Variants in NOXRED1 observed in about 807,000 individuals in gnomAD.
NOXRED1 encodes NADP dependent oxidoreductase domain containing 1.
A neutral mutation model predicts 30.4 loss-of-function variants in NOXRED1; 20 were observed. The observed-to-expected ratio is 0.66, with a 90% confidence interval of 0.46 to 0.96. The LOEUF is 0.96. NOXRED1 is among the 40% of genes least tolerant of loss of function. NOXRED1 has a pLI of 0.00. For synonymous variants in NOXRED1, 155 were observed against 168.0 expected, an observed-to-expected ratio of 0.92 and a Z score of 0.60; for missense variants, 374 against 428.0, an observed-to-expected ratio of 0.87 and a Z score of 1.11.
chr14:77,424,023 G>C (rs900159248), upstream of NOXRED1, among the ~76,000 whole-genome samples: 2 of 152,078 alleles, frequency 1.3e-5, no homozygotes, highest in African/African-American at 4.8e-5. Flanking sequence ...CCACCAATCT[G>C]CTTTCTGTCT....
intron 4 of NOXRED1, 135 bp downstream of exon 4, chr14:77,406,589 T>C (rs936312649): frequency 3.4e-5 from 27 of 794,064 alleles, no homozygotes; most frequent in Non-Finnish European, 5.2e-5. Flanking sequence ...ACCTTGTGCC[T>C]TACACACACA....
chr14:77,395,727 A>G (rs1025596143), intron 5 of NOXRED1, among the ~76,000 whole-genome samples: 3 of 150,614 alleles, frequency 2.0e-5, no homozygotes, highest in African/African-American at 7.3e-5. Flanking sequence ...GCTTGAGCCC[A>G]GCAGGTCGAG....
intron 1 of NOXRED1, among the ~76,000 whole-genome samples, chr14:77,416,216 A>G (rs1894816379): frequency 6.6e-6 from 1 of 152,190 alleles, no homozygotes; most frequent in African/African-American, 2.4e-5. Flanking sequence ...GAAAAATGTC[A>G]TTGGGATTTT....
At chr14:77,422,408 A>G (rs1895019997) in intron 1 of NOXRED1, among the ~76,000 whole-genome samples, 1 of 152,214 alleles carries the variant, frequency 6.6e-6, no homozygotes, top group Non-Finnish European at 1.5e-5. Flanking sequence ...GCCAATAGAT[A>G]AGGAATGGCT....
Position 77,419,296 on chromosome 14 carries a change from C to T in NOXRED1, c.155+3439G>A, listed in dbSNP as rs553198573. ...CCACGTTGGCCAGGCTGGTCTTGAACTCCTGACCTCAGGAGATCTGCCCGC... is the reference window on the plus strand; with the variant it reads ...CCACGTTGGCCAGGCTGGTCTTGAATTCCTGACCTCAGGAGATCTGCCCGC... On this transcript the variant is annotated intron_variant, in intron 1 of 5. Transcript: ENST00000380835. Among the ~76,000 whole-genome samples the T allele has an allele frequency of 3.9e-4, 59 of 151,614 alleles. No individual in the cohort carries two copies. In the East Asian group the frequency reaches 0.011, roughly 29 times the overall value.
chr14:77,414,428 G>A (rs577061184), intron 1 of NOXRED1, among the ~76,000 whole-genome samples: 7 of 152,068 alleles, frequency 4.6e-5, no homozygotes, highest in African/African-American at 1.7e-4. Context: ...ATCCACCCGT[G>A]TTGGCCTCCC....
At chr14:77,421,112 C>T (rs1171425322) in intron 1 of NOXRED1, among the ~76,000 whole-genome samples, 1 of 152,182 alleles carries the variant, frequency 6.6e-6, no homozygotes, top group Non-Finnish European at 1.5e-5. Context: ...TTCCATTTTT[C>T]TTTTTCCCTC....
In NOXRED1 at chr14:77,422,532, C is replaced by T. The variant is rs577050763; in HGVS notation, c.155+203G>A. Among the ~76,000 whole-genome samples, 9 of 152,262 alleles carry T rather than the reference C, an allele frequency of 5.9e-5. No homozygotes were observed. The South Asian group carries it at 8.3e-4, about 14-fold the overall frequency. On this transcript the variant is annotated intron_variant, in intron 1 of 5. Transcript: ENST00000380835. ...AAAAGGTAATCACTACTAATCCATG[C>T]TTTATTATGTAACCACAGCCAGGGG... is the stretch of plus-strand genomic sequence containing the variant.
At chr14:77,416,381 G>A (rs1477342614) in intron 1 of NOXRED1, among the ~76,000 whole-genome samples, 2 of 152,116 alleles carry the variant, frequency 1.3e-5, no homozygotes, top group African/African-American at 2.4e-5. Context: ...CTGGGTACTT[G>A]AGATTAGGGA....
intron 2 of NOXRED1, among the ~76,000 whole-genome samples, chr14:77,412,885 T>C (rs1012724563): frequency 2.6e-5 from 4 of 151,556 alleles, no homozygotes; most frequent in African/African-American, 9.7e-5. Context: ...AACAACTGTA[T>C]ACAGTGTCGA....
intron 1 of NOXRED1, among the ~76,000 whole-genome samples, chr14:77,415,623 TAGATAGATAGAC>T (rs1278680336): frequency 3.5e-5 from 5 of 143,536 alleles, no homozygotes; most frequent in African/African-American, 7.7e-5. Context: ...GATAGATAGA[TAGATAGATAGAC>T]AGACAGACAG....
At position 77,406,311 on chromosome 14, in the gene NOXRED1, A is replaced by G. The variant is rs1039750195; in HGVS notation, c.683-176T>C. On this transcript the variant is annotated intron_variant, in intron 4 of 5. Transcript: ENST00000380835. ...GCCACAAGTGCTACTTGTGCCCTTTATAACACATCATGTGTTGACCATCCC... is the reference window on the plus strand; with the variant it reads ...GCCACAAGTGCTACTTGTGCCCTTTGTAACACATCATGTGTTGACCATCCC... 1.5e-5 allele frequency: 9 copies of G among 607,826 alleles called. No homozygotes were observed. The Admixed American group carries it at 2.6e-4, about 18-fold the overall frequency. The allele number at this position is 607,826 out of a possible 1,614,324, so 37.7% of individuals were successfully genotyped here.
In NOXRED1 at chr14:77,394,129, A is replaced by T. The variant is rs1473370176; in HGVS notation, c.*502T>A. Reference sequence around the variant, plus strand: ...TAAATAAGATAGTACCAGAACAGTCATATATAGTCAAAATAAGCATGATAC... The same window carrying T: ...TAAATAAGATAGTACCAGAACAGTCTTATATAGTCAAAATAAGCATGATAC... On this transcript the variant is annotated 3_prime_UTR_variant, in exon 6 of 6. Coordinates refer to ENST00000380835, the MANE Select transcript of NOXRED1 (RefSeq NM_001113475.3). 26 of 152,608 alleles carry T rather than the reference A, an allele frequency of 1.7e-4. No individual in the cohort carries two copies. The highest frequency in any genetic ancestry group is 5.8e-4 in the African/African-American group (24 of 41,590). 9.5% of individuals were successfully genotyped at this position (152,608 alleles called of 1,614,324 possible). A position where few individuals can be genotyped will look rare whatever the true frequency, so the allele number is the denominator to read the frequency against.
chr14:77,416,710 C>T (rs1388800633), intron 1 of NOXRED1, among the ~76,000 whole-genome samples: 1 of 152,222 alleles, frequency 6.6e-6, no homozygotes, highest in African/African-American at 2.4e-5. Flanking sequence ...TCTCAATGAG[C>T]TGTTGGGTAC....
chr14:77,395,948 G>A (rs939505894), intron 5 of NOXRED1, among the ~76,000 whole-genome samples: 7 of 152,074 alleles, frequency 4.6e-5, no homozygotes, highest in African/African-American at 1.7e-4. Flanking sequence ...CAGGCATGAT[G>A]GTGCGCACCT....
intron 2 of NOXRED1, among the ~76,000 whole-genome samples, chr14:77,407,849 C>T (rs1013085998): frequency 4.7e-5 from 7 of 149,436 alleles, no homozygotes; most frequent in African/African-American, 9.8e-5. Flanking sequence ...AGCAGTAGTA[C>T]TTGAAATTAT....
Position 77,423,014 on chromosome 14 carries a change from G to T in NOXRED1, c.-125C>A. ...GTGTGCCCAGGTCACAAGCACTCAT[G>T]ATGATGGGCTTCAGCACCTCTCTAC... On this transcript the variant is annotated 5_prime_UTR_variant, in exon 1 of 6. Coordinates refer to ENST00000380835, the MANE Select transcript of NOXRED1 (RefSeq NM_001113475.3). 1.3e-6 allele frequency: 1 copy of T among 741,936 alleles called. No individual in the cohort carries two copies. 46.0% of individuals were successfully genotyped at this position (741,936 alleles called of 1,614,324 possible).
rs1177680524 is a variant in NOXRED1 at position 77,408,892 on chromosome 14, A to ATTTTTTTTTTTTTTTTTTTTT, written c.350-1248_350-1247insAAAAAAAAAAAAAAAAAAAAA. ...GCATAAAAACACTCACTGGTAGTTA[A>ATTTTTTTTTTTTTTTTTTTTT]TTTTTTTTTTTTTTTTTTTTGGCTA... On this transcript the variant is annotated intron_variant, in intron 2 of 5. Coordinates refer to ENST00000380835, the MANE Select transcript of NOXRED1 (RefSeq NM_001113475.3). Among the ~76,000 whole-genome samples, 179 of 68,170 alleles carry ATTTTTTTTTTTTTTTTTTTTT rather than the reference A, an allele frequency of 2.6e-3. 44 individuals are homozygous for ATTTTTTTTTTTTTTTTTTTTT. The highest frequency in any genetic ancestry group is 4.0e-3 in the Admixed American group (14 of 3,486). The allele number at this position is 68,170 out of a possible 152,430, so 44.7% of individuals were successfully genotyped here. A position where few individuals can be genotyped will look rare whatever the true frequency, so the allele number is the denominator to read the frequency against.
At chr14:77,415,437 G>C (rs1429297914) in intron 1 of NOXRED1, among the ~76,000 whole-genome samples, 1 of 152,016 alleles carries the variant, frequency 6.6e-6, no homozygotes, top group Non-Finnish European at 1.5e-5. Context: ...CAGCATGATG[G>C]TGTAAACCTG....
Sources: gnomAD v4.1 joint callset for allele counts (sites outside exome capture counted in the v4.1 genomes callset) on GRCh38, gnomAD v4.1.1 for gene constraint, MANE v1.5 for transcripts, NCBI Gene and HGNC (gene_info 2026-07-23, HGNC 2026-07-21) for gene names.